The following XPOT variants were observed in gnomAD, a reference collection of about 807,000 sequenced individuals.
XPOT encodes the protein exportin-T.
Under a neutral mutation model 128.2 loss-of-function variants are expected in XPOT, and 34 were observed. The observed-to-expected ratio is 0.27, with a 90% CI of 0.20 to 0.35. The LOEUF (loss-of-function observed/expected upper bound fraction) is 0.35. XPOT is among the 10% of genes least tolerant of loss of function. XPOT has a pLI of 1.00. For missense variants in XPOT, 838 were observed against 1,125.3 expected (o/e 0.74, Z 3.65); for synonymous variants, 348 against 394.3 (o/e 0.88, Z 1.39).
chr12:64,419,636 G>A (rs2040120307), intron 6 of XPOT, among the ~76,000 whole-genome samples: 1 of 152,142 alleles, frequency 6.6e-6, no homozygotes, highest in Non-Finnish European at 1.5e-5. Context: ...GGCAAATACT[G>A]TAGTGACATA....
chr12:64,441,663 A>C (rs1318997222), intron 23 of XPOT, among the ~76,000 whole-genome samples: 1 of 152,008 alleles, frequency 6.6e-6, no homozygotes, highest in East Asian at 1.9e-4. Context: ...AATGATTAAG[A>C]AGCTTTTTAA....
rs2040306286 is a variant in XPOT, at chr12:64,439,245, G to A, written c.2735G>A (p.Gly912Asp). The A allele has an allele frequency of 1.2e-6, 2 of 1,613,664 alleles. No individual in the cohort carries two copies. Among genetic ancestry groups the A allele is most frequent in the Non-Finnish European group, 1.7e-6 (2 of 1,179,758 alleles). Reference sequence around the variant, plus strand: ...TTGTAAGTATCTTTTAATCTTCAGGGCCCAGAATGTGTTCAGTATCTTCAA... The same window carrying A: ...TTGTAAGTATCTTTTAATCTTCAGGACCCAGAATGTGTTCAGTATCTTCAA... ...VTLKTIHLKR[G>D]PECVQYLQQE... is the part of the protein sequence containing the mutation. Residue 912 changes from glycine (G) to aspartate (D), a missense_variant and splice_region_variant, in exon 23 of 25, where the codon GGC (glycine) becomes GAC (aspartate). Gly to Asp is a moderately conservative substitution (Grantham distance 94). This residue lies in a region of XPOT where 56 missense variants were observed against 79.2 expected (regional missense o/e 0.71). Coordinates refer to ENST00000332707, the MANE Select transcript of XPOT (RefSeq NM_007235.6).
At chr12:64,422,012 G>C (rs2040143535) in intron 9 of XPOT, among the ~76,000 whole-genome samples, 1 of 152,094 alleles carries the variant, frequency 6.6e-6, no homozygotes, top group Non-Finnish European at 1.5e-5. Flanking sequence ...GTTTCTCCAT[G>C]TTGGTCAGGC....
At chr12:64,422,967 T>TTAGAAAACC in intron 9 of XPOT, 38 bp from the exon 10 acceptor site, 2 of 1,601,766 alleles carry the variant, frequency 1.2e-6, no homozygotes, top group Non-Finnish European at 1.7e-6. Flanking sequence ...AGGTATAACT[T>TTAGAAAACC]TAGAAAACCT....
In XPOT at chr12:64,415,003, A is replaced by C; in HGVS notation, c.143+14A>C. On this transcript the variant is annotated intron_variant, in intron 3 of 24. Coordinates refer to ENST00000332707, the MANE Select transcript of XPOT (RefSeq NM_007235.6). ...GAGGACATACAGGTAATTAAAAACA[A>C]AATTTGCATGACAATTTAAATTTCT... is the stretch of plus-strand genomic sequence containing the variant. 1 of 1,538,900 alleles carries C rather than the reference A, an allele frequency of 6.5e-7. No individual in the cohort carries two copies. The highest frequency in any genetic ancestry group is 9.0e-7 in the Non-Finnish European group (1 of 1,112,700).
In XPOT at chr12:64,418,073, A is replaced by G; in HGVS notation, c.228A>G (p.Gln76=). ...YKYSELTTVQ[Q]QLIRETLISW... is the part of the protein sequence containing the mutation. ...ACTCAGAACTAACCACTGTTCAACA[A>G]CAGCTAATTAGGGAGACGCTCATAT... Residue 76 remains glutamine, a synonymous_variant, in exon 5 of 25, where the codon CAA becomes CAG. Transcript: ENST00000332707. 3 of 1,613,694 alleles carry G rather than the reference A, an allele frequency of 1.9e-6. No homozygotes were observed. The highest frequency in any genetic ancestry group is 2.5e-6 in the Non-Finnish European group (3 of 1,179,804).
chr12:64,425,761 A>G (rs2040186942), intron 14 of XPOT, 54 bp from the exon 15 acceptor site: 6 of 1,556,488 alleles, frequency 3.9e-6, no homozygotes, highest in South Asian at 1.1e-5. Context: ...GCAGGACAAT[A>G]TCAACAAAAC....
At position 64,418,063 on chromosome 12, in the gene XPOT, C is replaced by T; in HGVS notation, c.218C>T (p.Thr73Ile). ...TTGAACAGATACTCAGAACTAACCA[C>T]TGTTCAACAACAGCTAATTAGGGAG... Reference protein sequence around the residue: ...QVKYKYSELTTVQQQLIRETL... With the variant: ...QVKYKYSELTIVQQQLIRETL... The change falls in exon 5 of 25, where the codon ACT becomes ATT. Residue 73 changes from threonine to isoleucine, a missense_variant. Physicochemically the swap from Thr to Ile is moderately conservative, Grantham distance 89 (BLOSUM62 -1). This residue lies in a region of XPOT where 761 missense variants were observed against 988.3 expected (regional missense o/e 0.77). Transcript: ENST00000332707. 1.9e-6 allele frequency: 3 copies of T among 1,613,434 alleles called. No individual in the cohort carries two copies. The highest frequency in any genetic ancestry group is 2.5e-6 in the Non-Finnish European group (3 of 1,179,686).
intron 24 of XPOT, among the ~76,000 whole-genome samples, chr12:64,446,893 C>G (rs911712003): frequency 1.3e-5 from 2 of 152,132 alleles, no homozygotes; most frequent in East Asian, 1.9e-4. Flanking sequence ...CAATACTGTT[C>G]TTGTCTGTAT....
intron 6 of XPOT, among the ~76,000 whole-genome samples, chr12:64,419,857 T>C (rs2040122167): frequency 6.6e-6 from 1 of 152,212 alleles, no homozygotes; most frequent in Non-Finnish European, 1.5e-5. Context: ...TTTTATAGTT[T>C]GTATTTACTA....
At chr12:64,425,539 A>T (rs1178909828) in intron 14 of XPOT, 82 bp downstream of exon 14, 1 of 1,526,536 alleles carries the variant, frequency 6.6e-7, no homozygotes, top group Non-Finnish European at 8.8e-7. Flanking sequence ...TCTGTCTATA[A>T]CTTTTCTCAG....
In XPOT at chr12:64,450,446, T is replaced by C. The variant is rs1375537242; in HGVS notation, c.*2315T>C. On this transcript the variant is annotated 3_prime_UTR_variant, in exon 25 of 25. Coordinates refer to ENST00000332707, the MANE Select transcript of XPOT (RefSeq NM_007235.6). ...AGGTATAAGCCACTGCACACGGCCT[T>C]ACTATGCTATCAATTCCATATATGG... is the stretch of plus-strand genomic sequence containing the variant. 2 of 152,174 alleles carry C rather than the reference T, an allele frequency of 1.3e-5. No individual in the cohort carries two copies. Among genetic ancestry groups the C allele is most frequent in the East Asian group, 1.9e-4 (1 of 5,184 alleles). 9.4% of individuals were successfully genotyped at this position (152,174 alleles called of 1,614,324 possible). A position where few individuals can be genotyped will look rare whatever the true frequency, so the allele number is the denominator to read the frequency against.
intron 24 of XPOT, 74 bp downstream of exon 24, chr12:64,445,205 G>A: frequency 8.8e-7 from 1 of 1,137,988 alleles, no homozygotes; most frequent in Non-Finnish European, 1.3e-6. Context: ...ATACATACCT[G>A]CAATTATAGA....
intron 23 of XPOT, among the ~76,000 whole-genome samples, chr12:64,441,093 C>T (rs2040321124): frequency 6.6e-6 from 1 of 152,124 alleles, no homozygotes; most frequent in East Asian, 1.9e-4. Flanking sequence ...GTCTTTAATA[C>T]ATTGAGTTGA....
rs2040399471 is a variant in XPOT at position 64,450,187 on chromosome 12, A to G, written c.*2056A>G. 6.6e-6 allele frequency: 1 copy of G among 150,654 alleles called. No individual in the cohort carries two copies. The highest frequency in any genetic ancestry group is 1.5e-5 in the Non-Finnish European group (1 of 67,782). The allele number at this position is 150,654 out of a possible 1,614,324, so 9.3% of individuals were successfully genotyped here. On this transcript the variant is annotated 3_prime_UTR_variant, in exon 25 of 25. Transcript: ENST00000332707. ...TCTTTTTTTTTTTTGAATAGAGATC[A>G]GTCTATCACCCAGGCTGGAGTGCAG...
At chr12:64,404,890 C>CA (rs2039963972) in intron 1 of XPOT, 86 bp downstream of exon 1, 1 of 151,506 alleles carries the variant, frequency 6.6e-6, no homozygotes, top group South Asian at 2.1e-4. Flanking sequence ...CGGACCGGCC[C>CA]GGGGGAGTCC....
intron 23 of XPOT, chr12:64,442,674 T>G (rs1334466026): frequency 6.6e-6 from 1 of 152,434 alleles, no homozygotes; most frequent in Non-Finnish European, 1.5e-5. Flanking sequence ...CCTGCTCTCC[T>G]TTCTTGTGTC....
intron 5 of XPOT, among the ~76,000 whole-genome samples, 196 bp downstream of exon 5, chr12:64,418,311 A>T (rs2040106678): frequency 6.6e-6 from 1 of 152,182 alleles, no homozygotes; most frequent in Non-Finnish European, 1.5e-5. Flanking sequence ...CAATGACTGA[A>T]ATGGTCATAG....
At chr12:64,417,888 T>G (rs1050755576) in intron 4 of XPOT, among the ~76,000 whole-genome samples, 158 bp from the exon 5 acceptor site, 1 of 152,246 alleles carries the variant, frequency 6.6e-6, no homozygotes, top group African/African-American at 2.4e-5. Flanking sequence ...GTCCTTATCT[T>G]TAAAGCAATG....
Sources: allele counts gnomAD v4.1 joint callset (sites outside exome capture counted in the v4.1 genomes callset), GRCh38; gene constraint gnomAD v4.1.1; regional missense constraint gnomAD v4.1.1; transcripts MANE v1.5; gene names NCBI Gene and HGNC (gene_info 2026-07-23, HGNC 2026-07-21).